The following SOAT1 variants were observed in gnomAD, a reference collection of about 807,000 sequenced individuals.
SOAT1 encodes sterol O-acyltransferase 1.
SOAT1 carries 55 observed loss-of-function variants against 69.5 expected under a neutral mutation model. The ratio of observed to expected loss-of-function variants is 0.79; its 90% CI spans 0.64 to 0.99. SOAT1 has a LOEUF of 0.99. Among genes scored for constraint, SOAT1 ranks in the 50% least tolerant of loss-of-function variants. The pLI is 0.00. For synonymous variants in SOAT1, 231 were observed against 224.7 expected, an observed-to-expected ratio of 1.03 and a Z score of -0.25; for missense variants, 580 against 669.3, an observed-to-expected ratio of 0.87 and a Z score of 1.47.
rs1482499444 is a variant in SOAT1 at position 179,356,715 on chromosome 1, G to C, written c.*3074G>C. 6.6e-6 allele frequency: 1 copy of C among 151,980 alleles called. No individual in the cohort carries two copies. Among genetic ancestry groups the C allele is most frequent in the African/African-American group, 2.4e-5 (1 of 41,380 alleles). The allele number at this position is 151,980 out of a possible 1,614,324, so 9.4% of individuals were successfully genotyped here. On this transcript the variant is annotated 3_prime_UTR_variant, in exon 16 of 16. Transcript: ENST00000367619. ...CTCATACTTTGTTTTTGTTTTTAAA[G>C]AGACAGGGTCTCACTCTGTTGCCCA...
rs1423739995 is a variant in SOAT1, at chr1:179,358,095, A to T, written c.*4454A>T. 6.6e-6 allele frequency: 1 copy of T among 152,226 alleles called. No homozygotes were observed. Among genetic ancestry groups the T allele is most frequent in the Non-Finnish European group, 1.5e-5 (1 of 68,034 alleles). The allele number at this position is 152,226 out of a possible 1,614,324, so 9.4% of individuals were successfully genotyped here. A position where few individuals can be genotyped will look rare whatever the true frequency, so the allele number is the denominator to read the frequency against. ...TTGATAAGCTTTAGGTTGGTAGGAAAGCTATGTAATCTATATAGTGTACTA... is the reference window on the plus strand; with the variant it reads ...TTGATAAGCTTTAGGTTGGTAGGAATGCTATGTAATCTATATAGTGTACTA... On this transcript the variant is annotated 3_prime_UTR_variant, in exon 16 of 16. Transcript: ENST00000367619.
At chr1:179,308,082 G>T (rs1358291136) in intron 2 of SOAT1, among the ~76,000 whole-genome samples, 1 of 152,048 alleles carries the variant, frequency 6.6e-6, no homozygotes, top group Non-Finnish European at 1.5e-5. Flanking sequence ...GAGCCACTGC[G>T]CCTGGCCTCA....
rs757902975 is a variant in SOAT1, at chr1:179,347,740, A to T, written c.1215+43A>T. On this transcript the variant is annotated intron_variant, in intron 12 of 15. Coordinates refer to ENST00000367619, the MANE Select transcript of SOAT1 (RefSeq NM_003101.6). ...TTAGCTTTCTTTTTACATTTTATTA[A>T]CTTCTTCATTATTAGTATTTTGACA... 2.7e-6 allele frequency: 3 copies of T among 1,115,798 alleles called. No homozygotes were observed. The African/African-American group carries it at 4.7e-5, about 17-fold the overall frequency. 69.1% of individuals were successfully genotyped at this position (1,115,798 alleles called of 1,614,324 possible).
intron 3 of SOAT1, among the ~76,000 whole-genome samples, chr1:179,330,084 G>A (rs1163333332): frequency 6.6e-6 from 1 of 152,168 alleles, no homozygotes; most frequent in African/African-American, 2.4e-5. Flanking sequence ...TAGAGAAGGA[G>A]TTTAATGCAA....
chr1:179,304,419 A>G (rs1664936297), intron 2 of SOAT1, among the ~76,000 whole-genome samples: 1 of 151,992 alleles, frequency 6.6e-6, no homozygotes, highest in South Asian at 2.1e-4. Context: ...CTAGGATTAC[A>G]AGCATGCGTC....
chr1:179,325,957 G>T (rs1665774775), intron 3 of SOAT1, among the ~76,000 whole-genome samples: 1 of 152,220 alleles, frequency 6.6e-6, no homozygotes, highest in Non-Finnish European at 1.5e-5. Context: ...CTGAAAGAAT[G>T]GTGGACCCTG....
In SOAT1 at chr1:179,353,607, G is replaced by A. The variant is rs547114418; in HGVS notation, c.1619G>A (p.Arg540Gln). The part of the protein sequence containing the change: ...LKNPTFLDYV[R>Q]PRSWTCRYVF Reference sequence around the variant, plus strand: ...CAGCCCACATTTTTGGATTATGTCCGGCCACGTTCCTGGACTTGTCGTTAC... The same window carrying A: ...CAGCCCACATTTTTGGATTATGTCCAGCCACGTTCCTGGACTTGTCGTTAC... Residue 540 changes from arginine (R) to glutamine (Q), a missense_variant, in exon 16 of 16, where the codon CGG (arginine) becomes CAG (glutamine). Arg to Gln is a conservative substitution (Grantham distance 43). Transcript: ENST00000367619. The A allele has an allele frequency of 1.4e-4, 231 of 1,613,352 alleles. 7 individuals carry two copies. In the South Asian group the frequency reaches 2.5e-3, roughly 17 times the overall value.
intron 2 of SOAT1, among the ~76,000 whole-genome samples, chr1:179,309,334 A>G (rs891463016): frequency 6.6e-6 from 1 of 152,148 alleles, no homozygotes; most frequent in Non-Finnish European, 1.5e-5. Context: ...CGCCTGCCTC[A>G]GCCTCCCAAA....
intron 1 of SOAT1, among the ~76,000 whole-genome samples, chr1:179,296,415 T>A (rs1340709182): frequency 6.6e-6 from 1 of 152,118 alleles, no homozygotes; most frequent in Non-Finnish European, 1.5e-5. Flanking sequence ...CAGGGAAGAG[T>A]CCCTTTTTCC....
intron 3 of SOAT1, among the ~76,000 whole-genome samples, chr1:179,324,519 G>C (rs1342218594): frequency 6.6e-6 from 1 of 152,116 alleles, no homozygotes; most frequent in Non-Finnish European, 1.5e-5. Flanking sequence ...TTTATAAAGT[G>C]GTACTCAAAA....
intron 10 of SOAT1, among the ~76,000 whole-genome samples, chr1:179,343,906 A>T (rs1666430445): frequency 6.6e-6 from 1 of 152,142 alleles, no homozygotes; most frequent in African/African-American, 2.4e-5. Flanking sequence ...GCAGATCGCG[A>T]GGTCAGGAGT....
chr1:179,326,550 CTTTTTTTTTTTTT>C (rs10568516), intron 3 of SOAT1, among the ~76,000 whole-genome samples: 113 of 106,290 alleles, frequency 1.1e-3, no homozygotes, highest in Middle Eastern at 4.9e-3. Flanking sequence ...AATTTCTTTT[CTTTTTTTTTTTTT>C]TTTTTTTTTT....
intron 2 of SOAT1, among the ~76,000 whole-genome samples, chr1:179,303,584 T>G (rs1478274058): frequency 6.6e-6 from 1 of 152,166 alleles, no homozygotes; most frequent in Non-Finnish European, 1.5e-5. Flanking sequence ...AAAGAAACAG[T>G]TTTGTTTTTC....
At chr1:179,323,299 AT>A in intron 2 of SOAT1, 137 bp from the exon 3 acceptor site, 1 of 616,814 alleles carries the variant, frequency 1.6e-6, no homozygotes, top group Non-Finnish European at 2.8e-6. Flanking sequence ...TATTTTGACC[AT>A]GCTGTCGTGT....
At chr1:179,321,393 C>A (rs1665597323) in intron 2 of SOAT1, among the ~76,000 whole-genome samples, 1 of 152,008 alleles carries the variant, frequency 6.6e-6, no homozygotes, top group South Asian at 2.1e-4. Context: ...TGGTTTCAAA[C>A]CCCTAGGCTC....
At chr1:179,325,291 A>G (rs1261010184) in intron 3 of SOAT1, among the ~76,000 whole-genome samples, 2 of 150,896 alleles carry the variant, frequency 1.3e-5, no homozygotes, top group Non-Finnish European at 2.9e-5. Flanking sequence ...TTGGGAGTAC[A>G]GGTGCCCACC....
intron 2 of SOAT1, among the ~76,000 whole-genome samples, chr1:179,323,208 A>G (rs1463435076): frequency 1.3e-5 from 2 of 152,190 alleles, no homozygotes; most frequent in Non-Finnish European, 2.9e-5. Context: ...ATAGCATTGC[A>G]TAATTAACAT....
At chr1:179,341,972 A>G in intron 7 of SOAT1, 142 bp from the exon 8 acceptor site, 1 of 1,033,850 alleles carries the variant, frequency 9.7e-7, no homozygotes. Flanking sequence ...TAACTATATA[A>G]TAAAGGTTTT....
Position 179,342,098 on chromosome 1 carries a change from C to T in SOAT1, c.781-16C>T, listed in dbSNP as rs1193563155. Reference sequence around the variant, plus strand: ...ACTTTCTTTGAAGAGACATCTTTTTCCTCCTGCTTTTGTAGATTCGTTTTG... The same window carrying T: ...ACTTTCTTTGAAGAGACATCTTTTTTCTCCTGCTTTTGTAGATTCGTTTTG... On this transcript the variant is annotated splice_polypyrimidine_tract_variant and intron_variant, in intron 7 of 15. Coordinates refer to ENST00000367619, the MANE Select transcript of SOAT1 (RefSeq NM_003101.6). 6.2e-7 allele frequency: 1 copy of T among 1,612,530 alleles called. No individual in the cohort carries two copies.
Sources: allele counts gnomAD v4.1 joint callset (sites outside exome capture counted in the v4.1 genomes callset), GRCh38; gene constraint gnomAD v4.1.1; transcripts MANE v1.5; gene names NCBI Gene and HGNC (gene_info 2026-07-23, HGNC 2026-07-21).